GLMN: variants seen among roughly 807,000 people sequenced by gnomAD.
GLMN encodes glomulin, FKBP associated protein.
In GLMN, 75 loss-of-function variants were observed where a neutral mutation model predicts 87.8. That is an observed-to-expected ratio of 0.85 (90% confidence interval 0.71 to 1.04). GLMN has a LOEUF of 1.04. Ranked by LOEUF, GLMN falls within the 50% of genes least tolerant of loss-of-function variation. GLMN has a pLI of 0.00. For synonymous variants in GLMN, 206 were observed against 221.6 expected (o/e 0.93, Z 0.63); for missense variants, 588 against 658.8 (o/e 0.89, Z 1.18).
At chr1:92,262,774 T>C in intron 16 of GLMN, 89 bp downstream of exon 16, 1 of 675,714 alleles carries the variant, frequency 1.5e-6, no homozygotes, top group Non-Finnish European at 2.8e-6. Flanking sequence ...GGGTAAGATA[T>C]TAAATATTGG....
chr1:92,291,271 A>G (rs761817525), intron 4 of GLMN, 147 bp downstream of exon 4: 13 of 721,398 alleles, frequency 1.8e-5, no homozygotes, highest in Non-Finnish European at 3.1e-5. Context: ...CTATCCAATC[A>G]ATAAGACTGG....
intron 7 of GLMN, among the ~76,000 whole-genome samples, chr1:92,272,495 A>C (rs767714849): frequency 6.6e-6 from 1 of 152,234 alleles, no homozygotes; most frequent in African/African-American, 2.4e-5. Context: ...TGTATATTTC[A>C]CCACAATTTT....
chr1:92,326,692 T>C, the GLMN span, among the ~76,000 whole-genome samples: 4 of 152,132 alleles, frequency 2.6e-5, no homozygotes, highest in African/African-American at 7.2e-5. Context: ...CCAGGAAGAT[T>C]ATGGCTGCCT....
the GLMN span, chr1:92,304,048 T>A: frequency 1.2e-6 from 2 of 1,612,154 alleles, no homozygotes; most frequent in Non-Finnish European, 1.7e-6. Context: ...TCTGTGGTTA[T>A]CCTTTATGTC....
the GLMN span, among the ~76,000 whole-genome samples, chr1:92,330,109 A>G: frequency 3.9e-5 from 6 of 152,218 alleles, no homozygotes; most frequent in African/African-American, 1.4e-4. Context: ...TGCACCGTCC[A>G]GTTTCTTATT....
At chr1:92,260,765 G>GAAAAAA (rs765865353) in intron 16 of GLMN, among the ~76,000 whole-genome samples, 1 of 100,060 alleles carries the variant, frequency 1.0e-5, no homozygotes, top group African/African-American at 3.8e-5. Context: ...CTTTGAGATG[G>GAAAAAA]AAAAAAAAAA....
intron 11 of GLMN, 88 bp downstream of exon 11, chr1:92,267,823 AAG>A (rs1382719515): frequency 2.6e-6 from 2 of 778,246 alleles, no homozygotes; most frequent in Non-Finnish European, 4.7e-6. Flanking sequence ...TTGCAGAGAA[AAG>A]AGTGGGAAAG....
intron 3 of GLMN, among the ~76,000 whole-genome samples, chr1:92,295,151 A>C (rs1649883331): frequency 6.6e-6 from 1 of 152,256 alleles, no homozygotes; most frequent in African/African-American, 2.4e-5. Flanking sequence ...GCAATGCCTG[A>C]AAAATACTTT....
At chr1:92,368,222 T>A in the GLMN span, among the ~76,000 whole-genome samples, 4 of 151,984 alleles carry the variant, frequency 2.6e-5, no homozygotes, top group Non-Finnish European at 5.9e-5. Context: ...CTAATAAAAA[T>A]ACATAAATTA....
the GLMN span, among the ~76,000 whole-genome samples, chr1:92,307,881 C>T: frequency 6.6e-6 from 1 of 152,016 alleles, no homozygotes; most frequent in East Asian, 1.9e-4. Flanking sequence ...AACAAGTTAT[C>T]CTTATGGTAA....
intron 16 of GLMN, among the ~76,000 whole-genome samples, chr1:92,260,956 G>A (rs2100855282): frequency 6.6e-6 from 1 of 152,210 alleles, no homozygotes; most frequent in East Asian, 1.9e-4. Context: ...ATTACTCTGT[G>A]TTCCATATCT....
At chr1:92,337,471 T>C in the GLMN span, among the ~76,000 whole-genome samples, 1 of 152,150 alleles carries the variant, frequency 6.6e-6, no homozygotes, top group Admixed American at 6.5e-5. Context: ...ATTCATAGTT[T>C]AAGGCAAACC....
chr1:92,288,138 T>C (rs1049940271), intron 6 of GLMN, among the ~76,000 whole-genome samples: 2 of 152,136 alleles, frequency 1.3e-5, no homozygotes, highest in African/African-American at 4.8e-5. Context: ...TACAGCCATA[T>C]TGAACAGTAG....
At chr1:92,289,220 G>C (rs554822752) in intron 5 of GLMN, 69 bp from the exon 6 acceptor site, 1 of 872,134 alleles carries the variant, frequency 1.1e-6, no homozygotes. Flanking sequence ...GGCAAATGTG[G>C]AATTATAAGA....
chr1:92,252,515 C>CCATAATCATAAAACTT (rs1553133879), intron 16 of GLMN, among the ~76,000 whole-genome samples: 1 of 152,098 alleles, frequency 6.6e-6, no homozygotes, highest in Non-Finnish European at 1.5e-5. Flanking sequence ...TGGCAATAGC[C>CCATAATCATAAAACTT]CATAATCATA....
At chr1:92,312,303 G>A in the GLMN span, among the ~76,000 whole-genome samples, 2 of 152,072 alleles carry the variant, frequency 1.3e-5, no homozygotes, top group East Asian at 3.9e-4. Flanking sequence ...TGTAGTCCTT[G>A]TAGCTACTTG....
chr1:92,282,739 T>A (rs997366581), intron 7 of GLMN, among the ~76,000 whole-genome samples: 4 of 151,534 alleles, frequency 2.6e-5, no homozygotes, highest in African/African-American at 9.7e-5. Flanking sequence ...GCAAGATTAA[T>A]AAAGAAGAAA....
intron 16 of GLMN, among the ~76,000 whole-genome samples, chr1:92,258,516 A>G (rs906864404): frequency 6.6e-6 from 1 of 152,236 alleles, no homozygotes; most frequent in Non-Finnish European, 1.5e-5. Flanking sequence ...ATGCCCATCA[A>G]TGATAGACTG....
Position 92,297,388 on chromosome 1 carries a change from C to G in GLMN, c.165+16G>C, listed in dbSNP as rs372201818. ...TCTTCCCAAGACTGAAAAGTAAACA[C>G]CAAGATTGTACGCACCTTATTCTTT... On this transcript the variant is annotated intron_variant, in intron 3 of 18. Coordinates refer to ENST00000370360, the MANE Select transcript of GLMN (RefSeq NM_053274.3). 6.2e-7 allele frequency: 1 copy of G among 1,609,664 alleles called. No individual in the cohort carries two copies. The highest frequency in any genetic ancestry group is 1.3e-5 in the African/African-American group (1 of 74,696).
Sources: gnomAD v4.1 joint callset for allele counts (sites outside exome capture counted in the v4.1 genomes callset) on GRCh38, gnomAD v4.1.1 for gene constraint, MANE v1.5 for transcripts, NCBI Gene and HGNC (gene_info 2026-07-23, HGNC 2026-07-21) for gene names.